The following C5 variants were observed in gnomAD, a reference collection of about 807,000 sequenced individuals.
C5 encodes C3 and PZP-like alpha-2-macroglobulin domain-containing protein 4.
Under a neutral mutation model 218.8 loss-of-function variants are expected in C5, and 140 were observed. The observed-to-expected ratio is 0.64, with a 90% CI of 0.56 to 0.74. The LOEUF (loss-of-function observed/expected upper bound fraction) is 0.74. C5 is among the 30% of genes least tolerant of loss of function. The pLI is 0.00. For missense variants in C5, 1,700 were observed against 1,969.6 expected (o/e 0.86, Z 2.59); for synonymous variants, 614 against 682.3 (o/e 0.90, Z 1.56).
chr9:121,008,361 T>C (rs2047233254), intron 18 of C5, 47 bp downstream of exon 18: 1 of 1,401,832 alleles, frequency 7.1e-7, no homozygotes, highest in Non-Finnish European at 1.0e-6. Context: ...CCATAATACT[T>C]GCATTATCCA....
At chr9:121,060,900 G>T in the C5 span, among the ~76,000 whole-genome samples, 1 of 152,234 alleles carries the variant, frequency 6.6e-6, no homozygotes, top group South Asian at 2.1e-4. Flanking sequence ...AAAAATCCCA[G>T]AATCAGGTCG....
the C5 span, chr9:121,074,828 C>T: frequency 2.2e-6 from 1 of 456,168 alleles, no homozygotes; most frequent in Non-Finnish European, 4.4e-6. Context: ...GCCCAAGACT[C>T]CCCGGCATCC....
chr9:121,010,811 C>A lies in C5; in HGVS notation c.2258-2313G>T, dbSNP rs188587486. On this transcript the variant is annotated intron_variant, in intron 17 of 40. Coordinates refer to ENST00000223642, the MANE Select transcript of C5 (RefSeq NM_001735.3). Reference sequence around the variant, plus strand: ...AGACCTATGGAACAGAATAGAAAACCCAGACAAATCCACACACCTATAGTG... The same window carrying A: ...AGACCTATGGAACAGAATAGAAAACACAGACAAATCCACACACCTATAGTG... 2.0e-5 allele frequency among the ~76,000 whole-genome samples: 3 copies of A among 152,110 alleles called. No homozygotes were observed. The East Asian group carries it at 5.8e-4, about 29-fold the overall frequency.
intron 19 of C5, 61 bp downstream of exon 19, chr9:121,006,843 A>C: frequency 8.7e-7 from 1 of 1,151,426 alleles, no homozygotes; most frequent in Non-Finnish European, 1.3e-6. Context: ...ATACTAACAA[A>C]GAATTACATC....
chr9:121,008,966 C>T (rs1338958418), intron 17 of C5, among the ~76,000 whole-genome samples: 1 of 131,634 alleles, frequency 7.6e-6, no homozygotes, highest in East Asian at 2.6e-4. Context: ...ACTATAAAGG[C>T]CTTAGGATTT....
chr9:120,989,209 C>G (rs1226322916), intron 24 of C5, 88 bp from the exon 25 acceptor site: 1 of 1,064,254 alleles, frequency 9.4e-7, no homozygotes. Flanking sequence ...GAATGGTAAG[C>G]TTCCTTTGGT....
chr9:120,960,593 C>T (rs1467373607), intron 37 of C5, among the ~76,000 whole-genome samples: 4 of 152,254 alleles, frequency 2.6e-5, no homozygotes, highest in South Asian at 4.1e-4. Flanking sequence ...GGGCAGCACA[C>T]AGCCCAGGGC....
intron 22 of C5, among the ~76,000 whole-genome samples, chr9:120,992,485 G>A (rs1242198358): frequency 6.6e-6 from 1 of 152,172 alleles, no homozygotes. Context: ...AAAGAGCCTG[G>A]CATACAATTC....
intron 18 of C5, among the ~76,000 whole-genome samples, chr9:121,008,023 G>A (rs938894314): frequency 1.3e-5 from 2 of 152,140 alleles, no homozygotes; most frequent in African/African-American, 4.8e-5. Context: ...TCCTTAAAAT[G>A]TGTTGAATAG....
At position 121,050,152 on chromosome 9, in the gene C5, T is replaced by C. The variant is rs182801968; in HGVS notation, c.65+30A>G. The C allele has an allele frequency of 4.8e-5, 74 of 1,553,512 alleles. No individual in the cohort carries two copies. The Admixed American group carries it at 7.2e-4, about 15-fold the overall frequency. On this transcript the variant is annotated intron_variant, in intron 1 of 40. Transcript: ENST00000223642. ...TTCATTCGTCATAACTAAGATGCAT[T>C]GAAAAATGAAGATAGCTTGTTTTAC...
At chr9:121,006,175 G>T in intron 19 of C5, 117 bp from the exon 20 acceptor site, 1 of 945,146 alleles carries the variant, frequency 1.1e-6, no homozygotes, top group Admixed American at 2.1e-5. Flanking sequence ...ATTAGATCAT[G>T]TTTTTCTCTG....
At position 121,013,922 on chromosome 9, in the gene C5, G is replaced by A; in HGVS notation, c.2208C>T (p.Ser736=). 6.2e-7 allele frequency: 1 copy of A among 1,614,150 alleles called. No individual in the cohort carries two copies. The highest frequency in any genetic ancestry group is 8.5e-7 in the Non-Finnish European group (1 of 1,180,026). Residue 736 remains serine (S), a synonymous_variant, in exon 17 of 41, where the codon AGC becomes AGT. Transcript: ENST00000223642. The part of the protein sequence containing the change: ...KAFTECCVVA[S]QLRANISHKD... ...TATGAGAGATATTAGCACGGAGCTG[G>A]CTTGCGACGACACAACATTCAGTGA...
At chr9:121,010,317 C>T (rs1428697895) in intron 17 of C5, among the ~76,000 whole-genome samples, 1 of 152,168 alleles carries the variant, frequency 6.6e-6, no homozygotes, top group South Asian at 2.1e-4. Context: ...ATACAAAAAT[C>T]AGTAGCATTT....
intron 20 of C5, among the ~76,000 whole-genome samples, chr9:121,005,237 A>G (rs920626974): frequency 2.0e-5 from 3 of 152,194 alleles, no homozygotes; most frequent in African/African-American, 7.2e-5. Context: ...GGTGGGTCCA[A>G]TCATGGTTGG....
chr9:120,980,346 A>G lies in C5; in HGVS notation c.3487-92T>C, dbSNP rs112304908. The G allele has an allele frequency of 4.6e-6, 5 of 1,088,744 alleles. No individual in the cohort carries two copies. The African/African-American group carries it at 6.2e-5, about 13-fold the overall frequency. The allele number at this position is 1,088,744 out of a possible 1,614,324, so 67.4% of individuals were successfully genotyped here. On this transcript the variant is annotated intron_variant, in intron 27 of 40. Coordinates refer to ENST00000223642, the MANE Select transcript of C5 (RefSeq NM_001735.3). ...CCTCAGATCCCACTATCCTGGAGCA[A>G]GCAATATGGGGGTGAAAAGAGGACT...
the C5 span, among the ~76,000 whole-genome samples, chr9:121,062,103 C>G: frequency 6.6e-6 from 1 of 152,046 alleles, no homozygotes. Context: ...CACCATCTTT[C>G]TGCACTCAAA....
At chr9:121,073,766 G>C in the C5 span, among the ~76,000 whole-genome samples, 1 of 151,818 alleles carries the variant, frequency 6.6e-6, no homozygotes, top group Non-Finnish European at 1.5e-5. Flanking sequence ...CTCCCACCTT[G>C]GTCTCCCAAA....
chr9:121,016,267 G>A lies in C5; in HGVS notation c.1983C>T (p.Asp661=), dbSNP rs780507799. 2.5e-6 allele frequency: 4 copies of A among 1,613,930 alleles called. No homozygotes were observed. In the African/African-American group the frequency reaches 4.0e-5, roughly 16 times the overall value. Residue 661 remains aspartate, a synonymous_variant, in exon 15 of 41, where the codon GAC becomes GAT. Coordinates refer to ENST00000223642, the MANE Select transcript of C5 (RefSeq NM_001735.3). ...LTFLTNANAD[D]SQENDEPCKE... is the part of the protein sequence containing the mutation. ...TGAGCATTTTACCATTTTCTTGGGA[G>A]TCATCTGCATTTGCATTAGTGAGGA... is the stretch of plus-strand genomic sequence containing the variant.
chr9:120,971,915 C>A lies in C5; in HGVS notation c.4080+15G>T. ...GGACACATAACTCGTTATTGGATAT[C>A]AATTAAATACTTACATGTACTGTAG... On this transcript the variant is annotated intron_variant, in intron 31 of 40. Coordinates refer to ENST00000223642, the MANE Select transcript of C5 (RefSeq NM_001735.3). 6.3e-7 allele frequency: 1 copy of A among 1,590,392 alleles called. No homozygotes were observed. Among genetic ancestry groups the A allele is most frequent in the South Asian group, 1.1e-5 (1 of 90,638 alleles).
Sources: gnomAD v4.1 joint callset for allele counts (sites outside exome capture counted in the v4.1 genomes callset) on GRCh38, gnomAD v4.1.1 for gene constraint, MANE v1.5 for transcripts, NCBI Gene and HGNC (gene_info 2026-07-23, HGNC 2026-07-21) for gene names.